Variants in TFEC observed in about 807,000 individuals in gnomAD.
TFEC encodes transcription factor EC.
Under a neutral mutation model 41.6 loss-of-function variants are expected in TFEC, and 31 were observed. The ratio of observed to expected loss-of-function variants is 0.74; its 90% confidence interval spans 0.56 to 1.01. The LOEUF is 1.01. Among genes scored for constraint, TFEC ranks in the 50% least tolerant of loss-of-function variants. The probability of loss-of-function intolerance (pLI) is 0.00; values close to 1 mark genes in which losing one functional copy is unlikely to be tolerated. For missense variants in TFEC, 402 were observed against 404.1 expected, an observed-to-expected ratio of 0.99 and a Z score of 0.04; for synonymous variants, 143 against 140.6, an observed-to-expected ratio of 1.02 and a Z score of -0.12.
intron 3 of TFEC, among the ~76,000 whole-genome samples, chr7:116,082,987 T>C (rs999343643): frequency 2.0e-5 from 3 of 151,900 alleles, no homozygotes; most frequent in Non-Finnish European, 4.4e-5. Context: ...AATAAATATA[T>C]GGCATAGATA....
At chr7:115,967,771 A>C (rs1792931702) in intron 3 of TFEC, among the ~76,000 whole-genome samples, 1 of 151,826 alleles carries the variant, frequency 6.6e-6, no homozygotes, top group South Asian at 2.1e-4. Flanking sequence ...GACTATATAC[A>C]ATAATAGAAG....
intron 1 of TFEC, among the ~76,000 whole-genome samples, chr7:116,023,491 G>A (rs113596001): frequency 7.8e-4 from 118 of 152,216 alleles, no homozygotes; most frequent in African/African-American, 2.5e-3. Flanking sequence ...GATAGAGATA[G>A]AACTCTTTTA....
chr7:116,026,071 T>C (rs899291982), intron 1 of TFEC, among the ~76,000 whole-genome samples: 2 of 152,182 alleles, frequency 1.3e-5, no homozygotes, highest in African/African-American at 4.8e-5. Context: ...TAAAACATAA[T>C]CAAATCAAGC....
At chr7:116,006,393 C>A (rs908165301) in intron 1 of TFEC, among the ~76,000 whole-genome samples, 2 of 152,170 alleles carry the variant, frequency 1.3e-5, no homozygotes. Context: ...TCTGTGTGAC[C>A]TGGATGTGAG....
intron 1 of TFEC, among the ~76,000 whole-genome samples, chr7:116,028,278 G>A (rs1168732592): frequency 1.3e-5 from 2 of 152,154 alleles, no homozygotes; most frequent in Non-Finnish European, 2.9e-5. Context: ...CATAGGCAAA[G>A]TATTGTCCAC....
At chr7:116,051,839 T>A (rs974699705) in intron 3 of TFEC, among the ~76,000 whole-genome samples, 3 of 152,070 alleles carry the variant, frequency 2.0e-5, no homozygotes, top group Non-Finnish European at 2.9e-5. Flanking sequence ...AGGTACTATG[T>A]TATCATCTAC....
intron 3 of TFEC, among the ~76,000 whole-genome samples, chr7:116,097,260 A>T (rs1034349217): frequency 6.6e-6 from 1 of 152,030 alleles, no homozygotes; most frequent in Non-Finnish European, 1.5e-5. Flanking sequence ...CCCTTTATCC[A>T]TGGGAGGATA....
intron 3 of TFEC, among the ~76,000 whole-genome samples, chr7:116,102,461 A>G (rs184805718): frequency 1.3e-5 from 2 of 152,328 alleles, no homozygotes; most frequent in East Asian, 3.9e-4. Flanking sequence ...AAGGACACCA[A>G]TGTGGAATAT....
intron 1 of TFEC, among the ~76,000 whole-genome samples, chr7:116,024,568 G>A (rs1377898371): frequency 3.3e-5 from 5 of 152,110 alleles, no homozygotes; most frequent in African/African-American, 4.8e-5. Flanking sequence ...ATGTAAAGCC[G>A]TTAGTACATA....
In TFEC at chr7:116,115,406, G is replaced by A. The variant is rs189992802; in HGVS notation, c.-68-3368C>T. 6.6e-5 allele frequency among the ~76,000 whole-genome samples: 10 copies of A among 152,000 alleles called. No homozygotes were observed. In the East Asian group the frequency reaches 1.7e-3, roughly 27 times the overall value. Reference sequence around the variant, plus strand: ...AGCAGGATAGAGCTGGCTTTTTTAGGAGGCTTTATGGGATAATCCACTTTC... The same window carrying A: ...AGCAGGATAGAGCTGGCTTTTTTAGAAGGCTTTATGGGATAATCCACTTTC... On this transcript the variant is annotated intron_variant, in intron 1 of 8. Coordinates refer to the TFEC transcript ENST00000484212.
intron 1 of TFEC, among the ~76,000 whole-genome samples, chr7:116,028,841 A>C (rs1222956968): frequency 6.6e-6 from 1 of 152,196 alleles, no homozygotes; most frequent in East Asian, 1.9e-4. Flanking sequence ...TTGTGTAAGA[A>C]TATTTTGTTT....
chr7:115,991,507 C>A (rs1794110675), intron 1 of TFEC, among the ~76,000 whole-genome samples: 1 of 151,816 alleles, frequency 6.6e-6, no homozygotes. Flanking sequence ...CACACATAGG[C>A]TCAAAATAAA....
chr7:115,974,027 C>T, intron 3 of TFEC, 143 bp downstream of exon 3: 1 of 603,938 alleles, frequency 1.7e-6, no homozygotes, highest in Non-Finnish European at 2.8e-6. Flanking sequence ...TTTTCTGCAC[C>T]AATAAATATT....
At chr7:115,941,773 T>C (rs1793515285) in intron 7 of TFEC, 120 bp downstream of exon 7, 3 of 1,356,944 alleles carry the variant, frequency 2.2e-6, no homozygotes, top group Non-Finnish European at 3.0e-6. Context: ...AGTAAAATTA[T>C]CCTTCAAAAG....
intron 3 of TFEC, among the ~76,000 whole-genome samples, chr7:116,070,305 C>A (rs2131019897): frequency 6.6e-6 from 1 of 151,354 alleles, no homozygotes; most frequent in South Asian, 2.1e-4. Context: ...TCTTTGCCAC[C>A]AAAGTGTAAA....
At chr7:116,081,613 ACTCGT>A (rs1159921783) in intron 3 of TFEC, among the ~76,000 whole-genome samples, 2 of 151,918 alleles carry the variant, frequency 1.3e-5, no homozygotes, top group African/African-American at 4.8e-5. Context: ...CTGCCTACAC[ACTCGT>A]CTTCCTAAAG....
At chr7:116,146,225 G>A (rs761134993) in intron 1 of TFEC, among the ~76,000 whole-genome samples, 10 of 152,144 alleles carry the variant, frequency 6.6e-5, no homozygotes, top group East Asian at 1.9e-4. Context: ...GAATTTGCCC[G>A]GTACTGCTTG....
intron 1 of TFEC, among the ~76,000 whole-genome samples, chr7:116,150,176 G>C (rs1015309169): frequency 6.6e-6 from 1 of 151,946 alleles, no homozygotes; most frequent in African/African-American, 2.4e-5. Flanking sequence ...TAGTTGTTAT[G>C]CTTTGTTTGC....
intron 5 of TFEC, among the ~76,000 whole-genome samples, chr7:115,952,215 A>G (rs1246583297): frequency 6.6e-6 from 1 of 152,002 alleles, no homozygotes; most frequent in Non-Finnish European, 1.5e-5. Context: ...TGGTTCTGGT[A>G]AGAGTTTATT....
Sources: allele counts gnomAD v4.1 joint callset (sites outside exome capture counted in the v4.1 genomes callset), GRCh38; gene constraint gnomAD v4.1.1; transcripts MANE v1.5; gene names NCBI Gene and HGNC (gene_info 2026-07-23, HGNC 2026-07-21).